Variants in ELAVL2 observed in about 807,000 individuals in gnomAD.
ELAVL2 encodes ELAV like RNA binding protein 2.
In ELAVL2, 4 loss-of-function variants were observed where a neutral mutation model predicts 34.6. The ratio of observed to expected loss-of-function variants is 0.12; its 90% CI spans 0.06 to 0.26. The LOEUF is 0.26. ELAVL2 is among the 10% of genes least tolerant of loss of function. ELAVL2 has a pLI of 1.00. For synonymous variants in ELAVL2, 193 were observed against 154.8 expected (o/e 1.25, Z -1.83); for missense variants, 432 against 442.8 (o/e 0.98, Z 0.22).
At chr9:23,807,029 T>C (rs567783165) in intron 1 of ELAVL2, among the ~76,000 whole-genome samples, 1 of 152,154 alleles carries the variant, frequency 6.6e-6, no homozygotes, top group East Asian at 1.9e-4. Flanking sequence ...AATATCCACC[T>C]ACAAAAAAAT....
chr9:23,721,114 A>G (rs1225966238), intron 3 of ELAVL2, among the ~76,000 whole-genome samples: 1 of 152,222 alleles, frequency 6.6e-6, no homozygotes, highest in Non-Finnish European at 1.5e-5. Flanking sequence ...TTTCTAAATA[A>G]GACAAATGCC....
chr9:23,822,688 A>AT lies in ELAVL2; in HGVS notation c.-16+3117dup, dbSNP rs373417051. Among the ~76,000 whole-genome samples the AT allele has an allele frequency of 7.2e-4, 109 of 152,268 alleles. 1 individual carries two copies. Among genetic ancestry groups the AT allele is most frequent in the South Asian group, 1.9e-3 (9 of 4,828 alleles). On this transcript the variant is annotated intron_variant, in intron 1 of 6. Coordinates refer to ENST00000397312, the MANE Select transcript of ELAVL2 (RefSeq NM_004432.5). ...AATTACGAGAGCACCTGTAGTTGGG[A>AT]TTTTTTTCATTGCAAAGGCATCGAT...
chr9:23,733,002 C>A (rs2046960805), intron 2 of ELAVL2, among the ~76,000 whole-genome samples: 1 of 151,548 alleles, frequency 6.6e-6, no homozygotes, highest in Admixed American at 6.6e-5. Context: ...AAGAAAAGGG[C>A]AATACAAATA....
At chr9:23,807,947 C>A (rs547999260) in intron 1 of ELAVL2, among the ~76,000 whole-genome samples, 1 of 152,174 alleles carries the variant, frequency 6.6e-6, no homozygotes, top group Non-Finnish European at 1.5e-5. Context: ...GTAAAAGTTG[C>A]CAAATTACGT....
chr9:23,756,142 G>A (rs540319648), intron 2 of ELAVL2, among the ~76,000 whole-genome samples: 2 of 152,196 alleles, frequency 1.3e-5, no homozygotes, highest in Admixed American at 6.5e-5. Context: ...TATTTTGATA[G>A]AATAAAGAAG....
chr9:23,743,615 T>C (rs1459630935), intron 2 of ELAVL2, among the ~76,000 whole-genome samples: 2 of 152,146 alleles, frequency 1.3e-5, no homozygotes, highest in Non-Finnish European at 2.9e-5. Flanking sequence ...ACTTAGTACA[T>C]CTGACCATTG....
intron 1 of ELAVL2, among the ~76,000 whole-genome samples, chr9:23,794,132 T>G (rs150603874): frequency 6.6e-6 from 1 of 152,360 alleles, no homozygotes; most frequent in African/African-American, 2.4e-5. Flanking sequence ...GATACTCCAA[T>G]GTCACTGACT....
intron 1 of ELAVL2, among the ~76,000 whole-genome samples, chr9:23,778,407 T>TA (rs1369491997): frequency 2.2e-4 from 34 of 152,176 alleles, no homozygotes; most frequent in African/African-American, 6.0e-4. Flanking sequence ...GTTCAACATT[T>TA]AAAATTTCAC....
In ELAVL2 at chr9:23,692,447, T is replaced by G; in HGVS notation, c.*110A>C. The G allele has an allele frequency of 1.8e-6, 2 of 1,124,664 alleles. No individual in the cohort carries two copies. The highest frequency in any genetic ancestry group is 2.9e-5 in the Admixed American group (1 of 34,766). 69.7% of individuals were successfully genotyped at this position (1,124,664 alleles called of 1,614,324 possible). ...CTTAGGATGCTAAGTAGTCATTTTATCCCCATCTCAACACTGACTTACAAA... is the reference window on the plus strand; with the variant it reads ...CTTAGGATGCTAAGTAGTCATTTTAGCCCCATCTCAACACTGACTTACAAA... On this transcript the variant is annotated 3_prime_UTR_variant, in exon 7 of 7. Coordinates refer to ENST00000397312, the MANE Select transcript of ELAVL2 (RefSeq NM_004432.5).
intron 1 of ELAVL2, among the ~76,000 whole-genome samples, chr9:23,808,690 T>C (rs777219417): frequency 9.2e-5 from 14 of 152,212 alleles, no homozygotes; most frequent in Non-Finnish European, 1.6e-4. Context: ...CAAATATTCA[T>C]AGGCTATTTA....
At chr9:23,711,793 T>C (rs938947596) in intron 3 of ELAVL2, among the ~76,000 whole-genome samples, 1 of 152,194 alleles carries the variant, frequency 6.6e-6, no homozygotes, top group African/African-American at 2.4e-5. Context: ...AACCTTGTCA[T>C]CATCCTACTT....
intron 3 of ELAVL2, among the ~76,000 whole-genome samples, chr9:23,723,727 C>A (rs1271168653): frequency 6.6e-6 from 1 of 152,122 alleles, no homozygotes; most frequent in African/African-American, 2.4e-5. Context: ...GCTTGAATCT[C>A]TTCCTCAGCC....
chr9:23,772,563 C>G (rs1473038550), intron 1 of ELAVL2, among the ~76,000 whole-genome samples: 1 of 131,514 alleles, frequency 7.6e-6, no homozygotes, highest in African/African-American at 2.8e-5. Flanking sequence ...AAAAAGGCAT[C>G]TAAAATGTCA....
intron 1 of ELAVL2, among the ~76,000 whole-genome samples, chr9:23,762,833 T>C (rs947602757): frequency 1.3e-5 from 2 of 152,174 alleles, no homozygotes; most frequent in African/African-American, 4.8e-5. Context: ...CAATATCTTA[T>C]CTCTACCATT....
chr9:23,795,755 G>T (rs1364157862), intron 1 of ELAVL2, among the ~76,000 whole-genome samples: 3 of 152,098 alleles, frequency 2.0e-5, no homozygotes, highest in Non-Finnish European at 2.9e-5. Flanking sequence ...ATATTCCTTT[G>T]TTCATCACAA....
chr9:23,814,574 C>T (rs2063455082), intron 1 of ELAVL2, among the ~76,000 whole-genome samples: 1 of 152,056 alleles, frequency 6.6e-6, no homozygotes. Context: ...AGAAAAGACC[C>T]CAAGGGTTTT....
intron 4 of ELAVL2, among the ~76,000 whole-genome samples, chr9:23,702,930 A>T (rs1442268647): frequency 1.5e-5 from 2 of 136,192 alleles, no homozygotes; most frequent in African/African-American, 2.9e-5. Flanking sequence ...TAGCTGTTCC[A>T]TTAGAAAAGC....
intron 1 of ELAVL2, among the ~76,000 whole-genome samples, chr9:23,814,685 T>C (rs1263423701): frequency 6.6e-6 from 1 of 152,150 alleles, no homozygotes; most frequent in Non-Finnish European, 1.5e-5. Flanking sequence ...GAACAGGTTA[T>C]AAAATCTTGC....
intron 2 of ELAVL2, among the ~76,000 whole-genome samples, chr9:23,751,072 G>C (rs976296230): frequency 1.2e-4 from 19 of 152,058 alleles, no homozygotes; most frequent in African/African-American, 4.6e-4. Flanking sequence ...TACTCTACAA[G>C]GTAATAAACA....
Sources: allele counts gnomAD v4.1 joint callset (sites outside exome capture counted in the v4.1 genomes callset), GRCh38; gene constraint gnomAD v4.1.1; transcripts MANE v1.5; gene names NCBI Gene and HGNC (gene_info 2026-07-23, HGNC 2026-07-21).